Variants in TPX2 observed in about 807,000 individuals in gnomAD.
TPX2 encodes the protein targeting protein for Xklp2.
Under a neutral mutation model 93.6 loss-of-function variants are expected in TPX2, and 21 were observed. The observed-to-expected ratio is 0.22, with a 90% CI of 0.16 to 0.32. TPX2 has a LOEUF of 0.32. Ranked by LOEUF, TPX2 falls within the 10% of genes least tolerant of loss-of-function variation. The probability of loss-of-function intolerance (pLI) is 1.00; values close to 1 mark genes in which losing one functional copy is unlikely to be tolerated. For synonymous variants in TPX2, 281 were observed against 298.3 expected, an observed-to-expected ratio of 0.94 and a Z score of 0.60; for missense variants, 776 against 871.1, an observed-to-expected ratio of 0.89 and a Z score of 1.37.
intron 2 of TPX2, among the ~76,000 whole-genome samples, chr20:31,747,769 C>CTTTTTTTT (rs1236018315): frequency 8.0e-6 from 1 of 124,538 alleles, no homozygotes; most frequent in Non-Finnish European, 1.7e-5. Context: ...ACGCATGTGC[C>CTTTTTTTT]TTTTTTTTTT....
At chr20:31,796,257 C>T (rs897253614) in intron 15 of TPX2, among the ~76,000 whole-genome samples, 2 of 152,200 alleles carry the variant, frequency 1.3e-5, no homozygotes, top group Non-Finnish European at 2.9e-5. Context: ...ACCCACTTAT[C>T]TTACACTGGA....
intron 17 of TPX2, among the ~76,000 whole-genome samples, chr20:31,800,699 T>C (rs988313321): frequency 1.3e-5 from 2 of 152,190 alleles, no homozygotes; most frequent in African/African-American, 4.8e-5. Context: ...TGGCATTCTT[T>C]AGTGAAAGCT....
At chr20:31,796,112 A>G (rs1485252717) in intron 15 of TPX2, among the ~76,000 whole-genome samples, 16 of 152,202 alleles carry the variant, frequency 1.1e-4, no homozygotes, top group Non-Finnish European at 1.2e-4. Flanking sequence ...GCAAAGAACA[A>G]CAACAAAAAC....
At chr20:31,750,861 A>G (rs1446982599) in intron 2 of TPX2, among the ~76,000 whole-genome samples, 1 of 152,174 alleles carries the variant, frequency 6.6e-6, no homozygotes, top group Admixed American at 6.5e-5. Context: ...TGGGCTGCAA[A>G]CATAGATCTA....
intron 5 of TPX2, 120 bp downstream of exon 5, chr20:31,766,802 T>G: frequency 9.2e-7 from 1 of 1,091,682 alleles, no homozygotes. Flanking sequence ...TTACTTTTTT[T>G]TTTTTTTTTT....
chr20:31,777,588 T>C lies in TPX2; in HGVS notation c.832T>C (p.Tyr278His). The change falls in exon 9 of 18, where the codon TAT becomes CAT. Residue 278 changes from tyrosine (Y) to histidine (H), a missense_variant. Tyr to His is a moderately conservative substitution (Grantham distance 83, BLOSUM62 2). This residue lies in a region of TPX2 where 279 missense variants were observed against 261.6 expected (regional missense o/e 1.07). Transcript: ENST00000300403. ...ACAACATCCTAAGAACCAGGAGGAA[T>C]ATAAGGAAGTGAACTTTACATCTGA... ...IKQHPKNQEE[Y>H]KEVNFTSELR... The C allele has an allele frequency of 6.2e-7, 1 of 1,614,192 alleles. No individual in the cohort carries two copies. The highest frequency in any genetic ancestry group is 8.5e-7 in the Non-Finnish European group (1 of 1,180,032).
intron 12 of TPX2, among the ~76,000 whole-genome samples, chr20:31,784,413 C>T (rs1382131964): frequency 6.6e-6 from 1 of 152,154 alleles, no homozygotes; most frequent in African/African-American, 2.4e-5. Flanking sequence ...GATGAGGTAA[C>T]CGAGGCACAC....
chr20:31,797,516 G>C lies in TPX2; in HGVS notation c.1945+1G>C. ...AAGAAAGAGAAGAAATCAGTTGCTGGTAGTATTATATGTACTCTGATGGGA... is the reference window on the plus strand; with the variant it reads ...AAGAAAGAGAAGAAATCAGTTGCTGCTAGTATTATATGTACTCTGATGGGA... On this transcript the variant is annotated splice_donor_variant, in intron 16 of 17. Transcript: ENST00000300403. LOFTEE classifies it high-confidence loss of function. 6.2e-7 allele frequency: 1 copy of C among 1,613,596 alleles called. No homozygotes were observed. The highest frequency in any genetic ancestry group is 8.5e-7 in the Non-Finnish European group (1 of 1,179,684).
chr20:31,790,571 T>C (rs1315859525), intron 12 of TPX2, among the ~76,000 whole-genome samples: 1 of 152,230 alleles, frequency 6.6e-6, no homozygotes, highest in East Asian at 1.9e-4. Context: ...GAAAGTGCCT[T>C]TGAAAGCCAC....
chr20:31,778,692 A>G, intron 9 of TPX2, 121 bp from the exon 10 acceptor site: 1 of 896,010 alleles, frequency 1.1e-6, no homozygotes, highest in Non-Finnish European at 1.7e-6. Context: ...CAAACTTCAG[A>G]ATAATAATCT....
intron 12 of TPX2, among the ~76,000 whole-genome samples, chr20:31,785,136 C>T (rs1316840462): frequency 2.0e-5 from 3 of 152,196 alleles, no homozygotes; most frequent in African/African-American, 7.2e-5. Context: ...AATGGTTCTC[C>T]TCCCTGATAC....
At chr20:31,743,244 G>A (rs4453755) in intron 2 of TPX2, among the ~76,000 whole-genome samples, 63,384 of 151,992 alleles carry the variant, frequency 0.42, 17,066 homozygotes, top group African/African-American at 0.76. Flanking sequence ...TCAAGCCCTG[G>A]TATAAAATGA....
intron 3 of TPX2, 28 bp downstream of exon 3, chr20:31,757,610 TAAG>T (rs1475641508): frequency 6.3e-7 from 1 of 1,581,540 alleles, no homozygotes; most frequent in African/African-American, 1.3e-5. Context: ...CTGGCTATTT[TAAG>T]GATTAGTGGC....
chr20:31,767,032 C>T (rs2061932306), intron 5 of TPX2, among the ~76,000 whole-genome samples: 1 of 151,970 alleles, frequency 6.6e-6, no homozygotes, highest in Non-Finnish European at 1.5e-5. Flanking sequence ...AAACTCCTGA[C>T]CTCAGGTGAC....
chr20:31,742,983 G>C (rs1396197768), intron 2 of TPX2, among the ~76,000 whole-genome samples: 2 of 152,054 alleles, frequency 1.3e-5, no homozygotes, highest in Non-Finnish European at 2.9e-5. Context: ...GGGAGGCTGA[G>C]GCAGGCGGAT....
intron 4 of TPX2, among the ~76,000 whole-genome samples, chr20:31,764,713 CTAT>C (rs976164608): frequency 1.6e-4 from 24 of 152,094 alleles, no homozygotes; most frequent in Admixed American, 3.3e-4. Flanking sequence ...ACATGCTATG[CTAT>C]TATTTTGTGT....
chr20:31,778,887 A>C lies in TPX2; in HGVS notation c.957A>C (p.Glu319Asp). 1.2e-6 allele frequency: 2 copies of C among 1,612,902 alleles called. No homozygotes were observed. The highest frequency in any genetic ancestry group is 1.7e-6 in the Non-Finnish European group (2 of 1,179,736). The stretch of plus-strand genomic sequence containing the variant: ...AAGGAAAGAAAAGAACATTTGATGA[A>C]ACAGTTTCTACATATGTGCCCCTTG... Reference protein sequence around the residue: ...LSQGKKRTFDETVSTYVPLAQ... With the variant: ...LSQGKKRTFDDTVSTYVPLAQ... Residue 319 changes from glutamate to aspartate, a missense_variant, in exon 10 of 18, where the codon GAA becomes GAC. Physicochemically the swap from Glu to Asp is conservative, Grantham distance 45 (BLOSUM62 2). Around this residue, in one of 3 missense-constraint regions of TPX2, gnomAD observed 461 missense variants for 551.2 expected, o/e 0.84. Coordinates refer to ENST00000300403, the MANE Select transcript of TPX2 (RefSeq NM_012112.5).
At chr20:31,743,829 C>T (rs1014419693) in intron 2 of TPX2, among the ~76,000 whole-genome samples, 3 of 150,766 alleles carry the variant, frequency 2.0e-5, no homozygotes, top group Non-Finnish European at 4.4e-5. Flanking sequence ...CAGGTTCAGG[C>T]GATTCTCCTG....
chr20:31,746,078 T>C (rs572164559), intron 2 of TPX2, among the ~76,000 whole-genome samples: 1 of 152,368 alleles, frequency 6.6e-6, no homozygotes, highest in African/African-American at 2.4e-5. Flanking sequence ...AGTGTCCATG[T>C]GTCCTGTGCT....
Sources: gnomAD v4.1 joint callset for allele counts (sites outside exome capture counted in the v4.1 genomes callset) on GRCh38, gnomAD v4.1.1 for gene constraint, gnomAD v4.1.1 regional missense constraint, MANE v1.5 for transcripts, NCBI Gene and HGNC (gene_info 2026-07-23, HGNC 2026-07-21) for gene names.